The following EIF4G2 variants were observed in gnomAD, a reference collection of about 807,000 sequenced individuals.
The protein encoded by EIF4G2 is eukaryotic translation initiation factor 4 gamma 2.
A neutral mutation model predicts 117.7 loss-of-function variants in EIF4G2; 8 were observed. The ratio of observed to expected loss-of-function variants is 0.07; its 90% confidence interval spans 0.04 to 0.12. The LOEUF (loss-of-function observed/expected upper bound fraction) is 0.12, where lower values mean the gene tolerates loss of function less well. Among genes scored for constraint, EIF4G2 ranks in the 10% least tolerant of loss-of-function variants. EIF4G2 has a pLI of 1.00. For missense variants in EIF4G2, 812 were observed against 1,086.2 expected, an observed-to-expected ratio of 0.75 and a Z score of 3.55; for synonymous variants, 413 against 367.8, an observed-to-expected ratio of 1.12 and a Z score of -1.41.
chr11:10,803,876 C>T lies in EIF4G2; in HGVS notation c.702+23G>A, dbSNP rs138357543. ...TCCTCCAAACGACTGACTACATTCGCCTAACTTCCCTGTCACACTTACTGT... is the reference window on the plus strand; with the variant it reads ...TCCTCCAAACGACTGACTACATTCGTCTAACTTCCCTGTCACACTTACTGT... On this transcript the variant is annotated intron_variant, in intron 8 of 21. Transcript: ENST00000339995. This position sits in a 1 kb window ranked among gnomAD's most constrained non-coding sequence, Gnocchi z 4.0. 6 of 1,599,306 alleles carry T rather than the reference C, an allele frequency of 3.8e-6. No individual in the cohort carries two copies. Among genetic ancestry groups the T allele is most frequent in the Non-Finnish European group, 5.1e-6 (6 of 1,169,884 alleles).
chr11:10,802,641 G>A (rs1252776974), intron 11 of EIF4G2, among the ~76,000 whole-genome samples: 2 of 152,196 alleles, frequency 1.3e-5, no homozygotes, highest in Non-Finnish European at 2.9e-5. Context: ...CCCAAGCCTT[G>A]GTTTGCATGA....
At position 10,803,013 on chromosome 11, in the gene EIF4G2, AC is replaced by A; in HGVS notation, c.996+16del. The A allele has an allele frequency of 1.2e-6, 2 of 1,604,346 alleles. No individual in the cohort carries two copies. Among genetic ancestry groups the A allele is most frequent in the Non-Finnish European group, 1.7e-6 (2 of 1,175,344 alleles). Reference sequence around the variant, plus strand: ...ACACAGAGTCTATGTGACAAACAAAACAAAACCCAATCTTACTTTTACTGCA... The same window carrying A: ...ACACAGAGTCTATGTGACAAACAAAAAAAACCCAATCTTACTTTTACTGCA... On this transcript the variant is annotated intron_variant, in intron 11 of 21. Transcript: ENST00000339995. The surrounding 1 kb of genome is among the most constrained non-coding windows in gnomAD (Gnocchi z 4.0).
At position 10,803,304 on chromosome 11, in the gene EIF4G2, G is replaced by T. The variant is rs746335613; in HGVS notation, c.814-10C>A. On this transcript the variant is annotated splice_polypyrimidine_tract_variant and intron_variant, in intron 9 of 21. Coordinates refer to ENST00000339995, the MANE Select transcript of EIF4G2 (RefSeq NM_001418.4). The surrounding 1 kb of genome is among the most constrained non-coding windows in gnomAD (Gnocchi z 4.0). ...ACTGATCCATTAAGGACTGATAAGA[G>T]AAGAATACATTCATTGGAAGAGCTA... The T allele has an allele frequency of 4.3e-6, 7 of 1,611,538 alleles. No homozygotes were observed. The highest frequency in any genetic ancestry group is 2.2e-5 in the South Asian group (2 of 90,354).
chr11:10,801,157 T>G, intron 14 of EIF4G2, 70 bp from the exon 15 acceptor site: 1 of 1,586,738 alleles, frequency 6.3e-7, no homozygotes, highest in Non-Finnish European at 8.6e-7. Context: ...TACAACATTC[T>G]AAAATCCTAT....
intron 1 of EIF4G2, 45 bp from the exon 2 acceptor site, chr11:10,807,426 G>C (rs368168442): frequency 2.6e-5 from 40 of 1,533,140 alleles, no homozygotes; most frequent in Non-Finnish European, 3.2e-5. Context: ...CTAACATACA[G>C]ATCTATAAGC....
At position 10,799,128 on chromosome 11, in the gene EIF4G2, A is replaced by G. The variant is rs533398096; in HGVS notation, c.2537-15T>C. On this transcript the variant is annotated splice_polypyrimidine_tract_variant and intron_variant, in intron 20 of 21. Coordinates refer to ENST00000339995, the MANE Select transcript of EIF4G2 (RefSeq NM_001418.4). Reference sequence around the variant, plus strand: ...AAGTAACATGCCTTAAAAAAAAAAAAAAAAAGAAAAAAGTAATAAGCCCAT... The same window carrying G: ...AAGTAACATGCCTTAAAAAAAAAAAGAAAAAGAAAAAAGTAATAAGCCCAT... 7.1e-5 allele frequency: 112 copies of G among 1,576,948 alleles called. No individual in the cohort carries two copies. Among genetic ancestry groups the G allele is most frequent in the Non-Finnish European group, 9.3e-5 (109 of 1,170,188 alleles).
chr11:10,798,741 T>TC (rs1278671268), intron 21 of EIF4G2: 9 of 344,070 alleles, frequency 2.6e-5, no homozygotes, highest in Non-Finnish European at 4.7e-5. Context: ...GTACAGTCAC[T>TC]CCCATGTATA....
intron 3 of EIF4G2, chr11:10,806,328 G>T (rs1020938800): frequency 2.2e-6 from 1 of 452,304 alleles, no homozygotes; most frequent in Non-Finnish European, 4.0e-6. Context: ...CAACGCTGTG[G>T]AACCACATTT....
chr11:10,800,844 C>A lies in EIF4G2; in HGVS notation c.1540-9G>T. 1 of 1,613,106 alleles carries A rather than the reference C, an allele frequency of 6.2e-7. No homozygotes were observed. Among genetic ancestry groups the A allele is most frequent in the Non-Finnish European group, 8.5e-7 (1 of 1,179,720 alleles). On this transcript the variant is annotated splice_polypyrimidine_tract_variant and intron_variant, in intron 15 of 21. Transcript: ENST00000339995. Reference sequence around the variant, plus strand: ...AGACCAAGCTGAGGTGTCTAAAAAACAAGCAATGACAGACTTTTTTTAAAA... The same window carrying A: ...AGACCAAGCTGAGGTGTCTAAAAAAAAAGCAATGACAGACTTTTTTTAAAA...
At position 10,797,505 on chromosome 11, in the gene EIF4G2, TATG is replaced by T. The variant is rs918885089; in HGVS notation, c.*308_*310del. The T allele has an allele frequency of 1.3e-5, 4 of 299,322 alleles. No individual in the cohort carries two copies. The highest frequency in any genetic ancestry group is 4.8e-5 in the Admixed American group (1 of 20,762). 18.5% of individuals were successfully genotyped at this position (299,322 alleles called of 1,614,324 possible). A position where few individuals can be genotyped will look rare whatever the true frequency, so the allele number is the denominator to read the frequency against. On this transcript the variant is annotated 3_prime_UTR_variant, in exon 22 of 22. Transcript: ENST00000339995. The surrounding 1 kb of genome is among the most constrained non-coding windows in gnomAD (Gnocchi z 4.5). ...TTCAGTTTTCTAACTTAAAACAGCC[TATG>T]ATAACTGGCAGCAAAGAAGGTCCTT...
chr11:10,803,588 A>C lies in EIF4G2; in HGVS notation c.705T>G (p.Leu235=), dbSNP rs1376749208. ...GTTGGACTCTCTTCTTCTTTTCCAAAAGCTACAAGAATAAAAGGCCATGGT... is the reference window on the plus strand; with the variant it reads ...GTTGGACTCTCTTCTTCTTTTCCAACAGCTACAAGAATAAAAGGCCATGGT... The change falls in exon 9 of 22, where the codon CTT becomes CTG. Residue 235 remains leucine, a splice_region_variant and synonymous_variant. Transcript: ENST00000339995. The surrounding 1 kb of genome is among the most constrained non-coding windows in gnomAD (Gnocchi z 4.0). 6.2e-7 allele frequency: 1 copy of C among 1,612,684 alleles called. No homozygotes were observed. The highest frequency in any genetic ancestry group is 1.7e-5 in the Admixed American group (1 of 60,006).
At chr11:10,807,424 C>G (rs778118126) in intron 1 of EIF4G2, 43 bp from the exon 2 acceptor site, 7 of 1,553,498 alleles carry the variant, frequency 4.5e-6, no homozygotes, top group Non-Finnish European at 6.0e-6. Context: ...TGCTAACATA[C>G]AGATCTATAA....
intron 11 of EIF4G2, 142 bp from the exon 12 acceptor site, chr11:10,802,577 G>A: frequency 1.7e-6 from 2 of 1,204,208 alleles, no homozygotes; most frequent in South Asian, 1.7e-5. Flanking sequence ...TCCAAAAATG[G>A]CAGACAAGGC....
At chr11:10,799,900 A>G (rs1034303193) in intron 18 of EIF4G2, 144 bp from the exon 19 acceptor site, 8 of 1,177,796 alleles carry the variant, frequency 6.8e-6, no homozygotes, top group Non-Finnish European at 9.4e-6. Context: ...AATGAAAAAA[A>G]CTCAACATAC....
chr11:10,801,431 C>A, intron 14 of EIF4G2: 1 of 673,902 alleles, frequency 1.5e-6, no homozygotes, highest in South Asian at 1.6e-5. Flanking sequence ...AATATTTTGA[C>A]AACCAGTTTT....
At chr11:10,801,427 T>C (rs1490950219) in intron 14 of EIF4G2, 3 of 670,940 alleles carry the variant, frequency 4.5e-6, no homozygotes, top group Non-Finnish European at 7.9e-6. Flanking sequence ...CCACAATATT[T>C]TGACAACCAG....
Position 10,801,152 on chromosome 11 carries a change from C to T in EIF4G2, c.1414-65G>A, listed in dbSNP as rs1847405444. 2.5e-6 allele frequency: 4 copies of T among 1,596,302 alleles called. No individual in the cohort carries two copies. The South Asian group carries it at 4.5e-5, about 18-fold the overall frequency. On this transcript the variant is annotated intron_variant, in intron 14 of 21. Coordinates refer to ENST00000339995, the MANE Select transcript of EIF4G2 (RefSeq NM_001418.4). Reference sequence around the variant, plus strand: ...CAGTTGGCGAACATATTAAATACAACATTCTAAAATCCTATACAGTGACAG... The same window carrying T: ...CAGTTGGCGAACATATTAAATACAATATTCTAAAATCCTATACAGTGACAG...
chr11:10,802,222 A>T lies in EIF4G2; in HGVS notation c.1139-13T>A, dbSNP rs3816958. 9.8e-4 allele frequency: 1,582 copies of T among 1,613,082 alleles called. 21 individuals are homozygous for T. The East Asian group carries it at 0.033, about 34-fold the overall frequency. ...CCAATTCCGCTACCTTAAAATACAT[A>T]TACGGACAACTCTCAAAACTAAAGT... is the stretch of plus-strand genomic sequence containing the variant. On this transcript the variant is annotated splice_polypyrimidine_tract_variant and intron_variant, in intron 12 of 21. Transcript: ENST00000339995.
At chr11:10,804,501 G>T in intron 5 of EIF4G2, 83 bp from the exon 6 acceptor site, 2 of 1,486,142 alleles carry the variant, frequency 1.3e-6, no homozygotes, top group Non-Finnish European at 9.0e-7. Flanking sequence ...CCACCTAAAT[G>T]TTAGCTATTA....
Sources: gnomAD v4.1 joint callset for allele counts (sites outside exome capture counted in the v4.1 genomes callset) on GRCh38, gnomAD v4.1.1 for gene constraint, Gnocchi (gnomAD v3.1) non-coding constraint, MANE v1.5 for transcripts, NCBI Gene and HGNC (gene_info 2026-07-23, HGNC 2026-07-21) for gene names.